The following ERC1 variants were observed in gnomAD, a reference collection of about 807,000 sequenced individuals.
ERC1 encodes the protein RAB6 interacting protein 2.
Under a neutral mutation model 132.0 loss-of-function variants are expected in ERC1, and 56 were observed. That is an observed-to-expected ratio of 0.42 (90% CI 0.34 to 0.53). ERC1 has a LOEUF of 0.53. ERC1 is among the 20% of genes least tolerant of loss of function. The probability of loss-of-function intolerance (pLI) is 0.03; values close to 1 mark genes in which losing one functional copy is unlikely to be tolerated. For synonymous variants in ERC1, 478 were observed against 476.1 expected (o/e 1.00, Z -0.05); for missense variants, 1,202 against 1,349.9 (o/e 0.89, Z 1.72).
intron 12 of ERC1, among the ~76,000 whole-genome samples, chr12:1,197,646 G>A (rs928536378): frequency 3.9e-5 from 6 of 152,170 alleles, no homozygotes; most frequent in African/African-American, 1.2e-4. Flanking sequence ...TAAGGGATAC[G>A]TCTGGCTCAA....
At position 1,264,466 on chromosome 12, in the gene ERC1, C is replaced by T. The variant is rs368853896; in HGVS notation, c.2619+1301C>T. Among the ~76,000 whole-genome samples, 589 of 152,180 alleles carry T rather than the reference C, an allele frequency of 3.9e-3. 5 individuals carry two copies. The highest frequency in any genetic ancestry group is 0.013 in the African/African-American group (553 of 41,534). The stretch of plus-strand genomic sequence containing the variant: ...TCACTTGAGGTCAGGAGATCGAGAC[C>T]ATCCTGGCTAACACGGTGAAACCCC... On this transcript the variant is annotated intron_variant, in intron 14 of 18. Transcript: ENST00000360905.
At chr12:1,127,654 T>C (rs146764326) in intron 7 of ERC1, among the ~76,000 whole-genome samples, 31 of 152,210 alleles carry the variant, frequency 2.0e-4, no homozygotes, top group African/African-American at 7.0e-4. Context: ...AAAAAACAGG[T>C]TGAGGTATGT....
chr12:1,231,843 G>A (rs1364534433), intron 12 of ERC1, among the ~76,000 whole-genome samples: 8 of 152,028 alleles, frequency 5.3e-5, no homozygotes, highest in Non-Finnish European at 8.8e-5. Flanking sequence ...GGGTTCTAGC[G>A]ATTCTCCTGC....
At chr12:1,095,041 T>G (rs893407464) in intron 3 of ERC1, among the ~76,000 whole-genome samples, 1 of 152,156 alleles carries the variant, frequency 6.6e-6, no homozygotes, top group Non-Finnish European at 1.5e-5. Context: ...CAGACCTAAG[T>G]TTTACTTTTT....
intron 15 of ERC1, among the ~76,000 whole-genome samples, chr12:1,319,442 A>G (rs772502300): frequency 7.9e-5 from 12 of 152,216 alleles, no homozygotes; most frequent in Non-Finnish European, 1.5e-4. Flanking sequence ...TTTCTATATT[A>G]CACAATTTCT....
At chr12:1,418,657 CTCTCTT>C (rs2092279627) in intron 17 of ERC1, among the ~76,000 whole-genome samples, 5 of 122,934 alleles carry the variant, frequency 4.1e-5, no homozygotes, top group South Asian at 5.0e-4. Flanking sequence ...CTCTCTCTCT[CTCTCTT>C]TCTTTTCTTT....
At chr12:1,238,161 CTTT>C (rs34549684) in intron 13 of ERC1, among the ~76,000 whole-genome samples, 1 of 143,738 alleles carries the variant, frequency 7.0e-6, no homozygotes. Context: ...GTTCTTCCTC[CTTT>C]TTTTTTTTTT....
chr12:1,486,044 T>C (rs1381392974), intron 18 of ERC1, among the ~76,000 whole-genome samples: 2 of 152,240 alleles, frequency 1.3e-5, no homozygotes, highest in East Asian at 3.8e-4. Context: ...CCTGGTCATA[T>C]CCTAAATCCC....
At chr12:1,200,793 C>T (rs1201500215) in intron 12 of ERC1, among the ~76,000 whole-genome samples, 2 of 151,978 alleles carry the variant, frequency 1.3e-5, no homozygotes, top group Non-Finnish European at 2.9e-5. Flanking sequence ...CTCCTGACCT[C>T]GTGATCCGCC....
intron 14 of ERC1, among the ~76,000 whole-genome samples, chr12:1,285,062 T>C (rs1331498681): frequency 6.6e-6 from 1 of 151,520 alleles, no homozygotes; most frequent in Non-Finnish European, 1.5e-5. Context: ...TTTAATCGAA[T>C]TTTTTTTTGT....
intron 7 of ERC1, 100 bp from the exon 8 acceptor site, chr12:1,141,520 C>A: frequency 1.0e-6 from 1 of 956,792 alleles, no homozygotes; most frequent in African/African-American, 1.7e-5. Flanking sequence ...TATAGAATAA[C>A]AAAACTCAAC....
intron 15 of ERC1, among the ~76,000 whole-genome samples, chr12:1,350,136 A>C (rs1377926523): frequency 6.6e-6 from 1 of 152,190 alleles, no homozygotes; most frequent in African/African-American, 2.4e-5. Context: ...TCAGGGAAAA[A>C]CAGAAAACAA....
At chr12:1,026,276 A>G (rs73606388) in intron 1 of ERC1, among the ~76,000 whole-genome samples, 26,945 of 152,124 alleles carry the variant, frequency 0.18, 2,489 homozygotes, top group Non-Finnish European at 0.2. Context: ...CCACCAGAAC[A>G]GTAGAGGGGA....
intron 7 of ERC1, among the ~76,000 whole-genome samples, chr12:1,127,995 C>G (rs1231995443): frequency 1.3e-5 from 2 of 152,204 alleles, no homozygotes; most frequent in East Asian, 3.8e-4. Flanking sequence ...GAGAGACTGA[C>G]TTATTCTCCT....
chr12:1,196,388 A>C (rs1004412384), intron 12 of ERC1, among the ~76,000 whole-genome samples: 3 of 152,296 alleles, frequency 2.0e-5, no homozygotes, highest in African/African-American at 4.8e-5. Context: ...GAAGATACCC[A>C]AAAATTTTAA....
chr12:1,484,725 A>G (rs756246917), intron 18 of ERC1, among the ~76,000 whole-genome samples: 2 of 151,354 alleles, frequency 1.3e-5, no homozygotes, highest in Admixed American at 1.3e-4. Flanking sequence ...CTACAGGTGC[A>G]CGCCACCATG....
intron 8 of ERC1, among the ~76,000 whole-genome samples, chr12:1,147,653 T>C (rs1950502621): frequency 6.6e-6 from 1 of 152,220 alleles, no homozygotes; most frequent in African/African-American, 2.4e-5. Context: ...CCTATTAAAC[T>C]TTTCTTTAAG....
At chr12:1,345,342 G>A (rs1414121556) in intron 15 of ERC1, among the ~76,000 whole-genome samples, 3 of 151,900 alleles carry the variant, frequency 2.0e-5, no homozygotes, top group Admixed American at 6.6e-5. Flanking sequence ...CACCACACCC[G>A]GCTAATTTTT....
chr12:1,293,563 A>T (rs1228653037), intron 15 of ERC1, among the ~76,000 whole-genome samples: 1 of 132,956 alleles, frequency 7.5e-6, no homozygotes, highest in African/African-American at 2.7e-5. Flanking sequence ...CAGGAGGCGG[A>T]GGTTGCAGTG....
Sources: gnomAD v4.1 joint callset for allele counts (sites outside exome capture counted in the v4.1 genomes callset) on GRCh38, gnomAD v4.1.1 for gene constraint, MANE v1.5 for transcripts, NCBI Gene and HGNC (gene_info 2026-07-23, HGNC 2026-07-21) for gene names.